MME: variants seen among roughly 807,000 people sequenced by gnomAD.
MME encodes the protein membrane metalloendopeptidase.
Under a neutral mutation model 113.2 loss-of-function variants are expected in MME, and 98 were observed. That is an observed-to-expected ratio of 0.87 (90% CI 0.74 to 1.02). MME has a LOEUF of 1.02. MME is among the 50% of genes least tolerant of loss of function. The pLI is 0.00. For missense variants in MME, 836 were observed against 896.0 expected (o/e 0.93, Z 0.86); for synonymous variants, 292 against 300.6 (o/e 0.97, Z 0.30).
At chr3:155,096,753 T>A (rs1301172807) in intron 3 of MME, among the ~76,000 whole-genome samples, 1 of 152,180 alleles carries the variant, frequency 6.6e-6, no homozygotes, top group Admixed American at 6.5e-5. Context: ...GGTCTCACTC[T>A]GTCACCCAGG....
At chr3:155,042,917 T>TATAC (rs1553749777) in intron 1 of MME, among the ~76,000 whole-genome samples, 1 of 51,082 alleles carries the variant, frequency 2.0e-5, no homozygotes, top group Non-Finnish European at 3.4e-5. Context: ...TATATATATA[T>TATAC]ATATATATAT....
intron 1 of MME, among the ~76,000 whole-genome samples, chr3:155,056,640 G>A (rs1387844217): frequency 1.3e-4 from 20 of 151,736 alleles, no homozygotes; most frequent in African/African-American, 1.7e-4. Flanking sequence ...ATAAACATAC[G>A]TGTGCGTGTG....
intron 1 of MME, among the ~76,000 whole-genome samples, chr3:155,029,084 A>G (rs1466508965): frequency 6.6e-6 from 1 of 152,140 alleles, no homozygotes; most frequent in Non-Finnish European, 1.5e-5. Flanking sequence ...TAAACACAAC[A>G]TGAGACCAAC....
In MME at chr3:155,047,006, G is replaced by T. The variant is rs532203552; in HGVS notation, c.-11+22682G>T. On this transcript the variant is annotated intron_variant, in intron 1 of 22. Coordinates refer to the MME transcript ENST00000492661. The stretch of plus-strand genomic sequence containing the variant: ...AAGCTAAGGTTTATTACTGAAGAAA[G>T]AAACTTGTTTTATATAACTTTAGTG... Among the ~76,000 whole-genome samples the T allele has an allele frequency of 1.9e-4, 29 of 152,222 alleles. No individual in the cohort carries two copies. In the South Asian group the frequency reaches 4.6e-3, roughly 24 times the overall value.
At chr3:155,160,815 G>T (rs1002475763) in intron 17 of MME, among the ~76,000 whole-genome samples, 1 of 151,944 alleles carries the variant, frequency 6.6e-6, no homozygotes, top group Non-Finnish European at 1.5e-5. Flanking sequence ...GCTTCTTAAA[G>T]TGGTTTAAGG....
chr3:155,088,330 G>A lies in MME; in HGVS notation c.196+3236G>A, dbSNP rs1475844615. On this transcript the variant is annotated intron_variant, in intron 3 of 22. Transcript: ENST00000360490. ...TAGGAAAACCCTAGAGGAAATCTTG[G>A]ACAAAAGCAAGTATTAAAGAAGAGT... 4.6e-5 allele frequency among the ~76,000 whole-genome samples: 7 copies of A among 152,064 alleles called. No individual in the cohort carries two copies. In the East Asian group the frequency reaches 1.3e-3, roughly 29 times the overall value.
intron 3 of MME, among the ~76,000 whole-genome samples, chr3:155,106,524 C>G (rs1576590553): frequency 6.6e-6 from 1 of 152,154 alleles, no homozygotes; most frequent in African/African-American, 2.4e-5. Context: ...GTCATTTTCT[C>G]TTCAAAAATG....
At chr3:155,133,062 A>AAAAAATATATATATATATATATAT (rs1553762419) in intron 8 of MME, among the ~76,000 whole-genome samples, 43 of 74,962 alleles carry the variant, frequency 5.7e-4, no homozygotes, top group African/African-American at 1.8e-3. Flanking sequence ...AAAAAAAAAA[A>AAAAAATATATATATATATATATAT]ATATATATAT....
chr3:155,124,307 G>A (rs1343498282), intron 8 of MME, among the ~76,000 whole-genome samples: 2 of 151,826 alleles, frequency 1.3e-5, no homozygotes, highest in Non-Finnish European at 2.9e-5. Flanking sequence ...GGTTATTCTA[G>A]TTATACATTC....
upstream of MME, among the ~76,000 whole-genome samples, chr3:155,075,129 T>C (rs2108147466): frequency 6.6e-6 from 1 of 152,110 alleles, no homozygotes; most frequent in African/African-American, 2.4e-5. Context: ...TTACTTAAAA[T>C]TTATGATACT....
intron 3 of MME, among the ~76,000 whole-genome samples, chr3:155,090,895 CAACAGCTAGCCTTCT>C: frequency 1.3e-5 from 2 of 152,294 alleles, no homozygotes; most frequent in African/African-American, 4.8e-5. Flanking sequence ...TGCATCTTGG[CAACAGCTAGCCTTCT>C]CCTGGCTGTC....
upstream of MME, among the ~76,000 whole-genome samples, chr3:155,076,166 C>T (rs754078731): frequency 8.5e-5 from 13 of 152,174 alleles, no homozygotes; most frequent in Non-Finnish European, 1.5e-4. Context: ...AGTATAAATT[C>T]TATTCCTACA....
intron 1 of MME, among the ~76,000 whole-genome samples, chr3:155,068,760 G>A (rs918257883): frequency 6.6e-6 from 1 of 152,148 alleles, no homozygotes; most frequent in Non-Finnish European, 1.5e-5. Context: ...AATCGACCAG[G>A]AAATAATGTG....
At chr3:155,077,711 A>AC (rs1389364126), upstream of MME, among the ~76,000 whole-genome samples, 2 of 149,850 alleles carry the variant, frequency 1.3e-5, no homozygotes, top group Admixed American at 1.3e-4. Flanking sequence ...CCTCATCTAA[A>AC]CAAAAAAAAA....
intron 3 of MME, among the ~76,000 whole-genome samples, chr3:155,108,755 C>T (rs1166592719): frequency 1.3e-5 from 2 of 152,022 alleles, no homozygotes; most frequent in East Asian, 3.9e-4. Flanking sequence ...TGTAGAAATT[C>T]CTTTAAACCC....
At chr3:155,042,958 ATCACATT>A (rs1713410859) in intron 1 of MME, among the ~76,000 whole-genome samples, 2 of 130,054 alleles carry the variant, frequency 1.5e-5, no homozygotes, top group Non-Finnish European at 1.6e-5. Flanking sequence ...ATATATATAT[ATCACATT>A]TGTAAGTATA....
upstream of MME, among the ~76,000 whole-genome samples, chr3:155,077,566 C>T (rs529293662): frequency 5.3e-5 from 8 of 152,192 alleles, no homozygotes; most frequent in Admixed American, 3.9e-4. Context: ...AACAAAAACC[C>T]TAAGTTTCTA....
intron 8 of MME, among the ~76,000 whole-genome samples, chr3:155,128,579 T>C (rs1327401505): frequency 6.6e-6 from 1 of 152,156 alleles, no homozygotes; most frequent in African/African-American, 2.4e-5. Context: ...TGCTTTTCCC[T>C]TTGCCTAGAA....
chr3:155,137,641 G>T (rs35330405), intron 8 of MME, among the ~76,000 whole-genome samples: 2 of 152,108 alleles, frequency 1.3e-5, no homozygotes, highest in African/African-American at 4.8e-5. Context: ...TAGAGATGTA[G>T]GTTGCAGTGA....
Sources: gnomAD v4.1 joint callset for allele counts (sites outside exome capture counted in the v4.1 genomes callset) on GRCh38, gnomAD v4.1.1 for gene constraint, MANE v1.5 for transcripts, NCBI Gene and HGNC (gene_info 2026-07-23, HGNC 2026-07-21) for gene names.